LRP6: variants seen among roughly 807,000 people sequenced by gnomAD.
LRP6 encodes LDL receptor related protein 6.
Under a neutral mutation model 184.1 loss-of-function variants are expected in LRP6, and 43 were observed. The observed-to-expected ratio is 0.23, with a 90% CI of 0.18 to 0.30. LRP6 has a LOEUF of 0.30. Among genes scored for constraint, LRP6 ranks in the 10% least tolerant of loss-of-function variants. The pLI, the probability that LRP6 is intolerant of heterozygous loss-of-function variation, is 1.00. For synonymous variants in LRP6, 719 were observed against 684.9 expected, an observed-to-expected ratio of 1.05 and a Z score of -0.78; for missense variants, 1,571 against 2,005.3, an observed-to-expected ratio of 0.78 and a Z score of 4.14.
chr12:12,125,201 C>CT, intron 21 of LRP6, 95 bp downstream of exon 21: 1 of 1,477,296 alleles, frequency 6.8e-7, no homozygotes, highest in Non-Finnish European at 9.4e-7. Flanking sequence ...TCAAAAACTA[C>CT]TTTTACATTA....
chr12:12,164,173 G>T (rs1591903759), intron 9 of LRP6, 100 bp downstream of exon 9: 2 of 1,072,534 alleles, frequency 1.9e-6, no homozygotes, highest in Non-Finnish European at 2.8e-6. Context: ...AACTCTGCCT[G>T]TCAAACAATG....
At chr12:12,193,060 T>C (rs1295421981) in intron 3 of LRP6, among the ~76,000 whole-genome samples, 1 of 152,026 alleles carries the variant, frequency 6.6e-6, no homozygotes. Flanking sequence ...CTGACCATAA[T>C]GAAATTCATG....
At chr12:12,168,439 G>GT (rs1196610982) in intron 7 of LRP6, among the ~76,000 whole-genome samples, 1 of 152,188 alleles carries the variant, frequency 6.6e-6, no homozygotes, top group East Asian at 1.9e-4. Context: ...CACACGACAT[G>GT]TTTGACTTTG....
chr12:12,135,834 G>A lies in LRP6; in HGVS notation c.3608-534C>T, dbSNP rs372381997. Among the ~76,000 whole-genome samples the A allele has an allele frequency of 1.2e-4, 18 of 152,076 alleles. No homozygotes were observed. In the East Asian group the frequency reaches 3.1e-3, roughly 26 times the overall value. On this transcript the variant is annotated intron_variant, in intron 16 of 22. Transcript: ENST00000261349. ...TATATATAAAATATTTTAAGATAAT[G>A]GTAAAGCTCATCTTAATTTTTGTGA...
intron 13 of LRP6, 42 bp downstream of exon 13, chr12:12,150,794 A>C (rs1327498886): frequency 6.2e-7 from 1 of 1,600,738 alleles, no homozygotes; most frequent in Non-Finnish European, 8.6e-7. Flanking sequence ...GAGTCCAGTT[A>C]TTAGTCAGGA....
At chr12:12,254,785 G>A (rs1316760040) in intron 1 of LRP6, among the ~76,000 whole-genome samples, 1 of 152,176 alleles carries the variant, frequency 6.6e-6, no homozygotes, top group Non-Finnish European at 1.5e-5. Flanking sequence ...GGCTTACAGA[G>A]TTCCCAGCCT....
In LRP6 at chr12:12,266,875, C is replaced by T. The variant is rs962615798; in HGVS notation, c.-140G>A. The stretch of plus-strand genomic sequence containing the variant: ...CCCAGCGAGAGAAGAAAGAAAGGGG[C>T]ACGTCAAGGTTCCGCGCGCGCCGCC... On this transcript the variant is annotated 5_prime_UTR_variant, in exon 1 of 23. Transcript: ENST00000261349. 1.4e-5 allele frequency: 11 copies of T among 778,230 alleles called. No homozygotes were observed. Among genetic ancestry groups the T allele is most frequent in the Non-Finnish European group, 2.4e-5 (11 of 452,532 alleles). 48.2% of individuals were successfully genotyped at this position (778,230 alleles called of 1,614,324 possible).
intron 2 of LRP6, among the ~76,000 whole-genome samples, chr12:12,233,512 A>T (rs1864845492): frequency 6.6e-6 from 1 of 152,160 alleles, no homozygotes; most frequent in Non-Finnish European, 1.5e-5. Context: ...AATCTGGGAT[A>T]TTCTATAGGA....
intron 2 of LRP6, among the ~76,000 whole-genome samples, chr12:12,236,289 C>T (rs903722957): frequency 2.0e-5 from 3 of 152,122 alleles, no homozygotes; most frequent in Admixed American, 2.0e-4. Context: ...GACTCAGGAA[C>T]CAACTTGAAA....
intron 7 of LRP6, among the ~76,000 whole-genome samples, chr12:12,174,170 G>A (rs2136972737): frequency 6.6e-6 from 1 of 151,798 alleles, no homozygotes; most frequent in African/African-American, 2.4e-5. Flanking sequence ...GGAGTGCAGT[G>A]GCCTGATCTC....
At chr12:12,178,022 A>C (rs1863240016) in intron 7 of LRP6, among the ~76,000 whole-genome samples, 1 of 152,080 alleles carries the variant, frequency 6.6e-6, no homozygotes, top group East Asian at 1.9e-4. Context: ...ATGTGTCTGT[A>C]TGTATATATA....
chr12:12,181,465 A>C, intron 5 of LRP6, 26 bp from the exon 6 acceptor site: 1 of 981,322 alleles, frequency 1.0e-6, no homozygotes, highest in Non-Finnish European at 1.6e-6. Flanking sequence ...GAAATGAAGA[A>C]TACTTTGAAA....
In LRP6 at chr12:12,126,901, G is replaced by C. The variant is rs369982405; in HGVS notation, c.4102C>G (p.Pro1368Ala). 5.0e-6 allele frequency: 8 copies of C among 1,613,982 alleles called. No homozygotes were observed. Among genetic ancestry groups the C allele is most frequent in the Non-Finnish European group, 6.8e-6 (8 of 1,179,958 alleles). ...GAACCAACTGTATTGGTGGCCTGTGGTGCTGGTTCTTCAGTCGGATCTACA... is the reference window on the plus strand; with the variant it reads ...GAACCAACTGTATTGGTGGCCTGTGCTGCTGGTTCTTCAGTCGGATCTACA... Reference protein sequence around the residue: ...LDCYPTEEPAPQATNTVGSVI... With the variant: ...LDCYPTEEPAAQATNTVGSVI... Residue 1368 changes from proline (P) to alanine (A), a missense_variant, in exon 20 of 23, where the codon CCA becomes GCA. Physicochemically the swap from Pro to Ala is conservative, Grantham distance 27. Around this residue, in one of 4 missense-constraint regions of LRP6, gnomAD observed 763 missense variants for 859.5 expected, o/e 0.89. Coordinates refer to ENST00000261349, the MANE Select transcript of LRP6 (RefSeq NM_002336.3).
At chr12:12,187,697 G>A (rs1407143974) in intron 3 of LRP6, among the ~76,000 whole-genome samples, 2 of 152,082 alleles carry the variant, frequency 1.3e-5, no homozygotes, top group African/African-American at 2.4e-5. Context: ...CACTCTCCCC[G>A]CAAACCCCAG....
chr12:12,187,264 T>TA (rs1177398875), intron 3 of LRP6, 145 bp from the exon 4 acceptor site: 8 of 685,594 alleles, frequency 1.2e-5, no homozygotes, highest in Non-Finnish European at 1.8e-5. Context: ...AATACACCTA[T>TA]AAAAAATAAT....
chr12:12,214,315 C>CTA (rs1214182915), intron 2 of LRP6, among the ~76,000 whole-genome samples: 2 of 152,170 alleles, frequency 1.3e-5, no homozygotes, highest in African/African-American at 4.8e-5. Context: ...TTTACAAGCA[C>CTA]TGGATACAAA....
chr12:12,135,184 A>T lies in LRP6; in HGVS notation c.3724T>A (p.Ser1242Thr). The change falls in exon 17 of 23, where the codon TCA (serine) becomes ACA (threonine). Residue 1242 changes from serine to threonine, a missense_variant. Physicochemically the swap from Ser to Thr is moderately conservative, Grantham distance 58. Transcript: ENST00000261349. Reference protein sequence around the residue: ...MHLVLLQDELSCGEPPTCSPQ... With the variant: ...MHLVLLQDELTCGEPPTCSPQ... Reference sequence around the variant, plus strand: ...ATTACAACATATTTACCTCCACATGATAGCTCATCTTGAAGTAGAACCAGG... The same window carrying T: ...ATTACAACATATTTACCTCCACATGTTAGCTCATCTTGAAGTAGAACCAGG... 6.2e-7 allele frequency: 1 copy of T among 1,613,976 alleles called. No individual in the cohort carries two copies. The highest frequency in any genetic ancestry group is 1.3e-5 in the African/African-American group (1 of 75,046).
At chr12:12,176,207 G>A (rs371438210) in intron 7 of LRP6, among the ~76,000 whole-genome samples, 11 of 152,156 alleles carry the variant, frequency 7.2e-5, no homozygotes, top group South Asian at 4.2e-4. Context: ...AAATCAGGAG[G>A]GGGGGTGGTG....
Position 12,165,100 on chromosome 12 carries a change from T to C in LRP6, c.1741A>G (p.Thr581Ala). The change falls in exon 8 of 23, where the codon ACA (threonine) becomes GCA (alanine). Residue 581 changes from threonine to alanine, a missense_variant. Transcript: ENST00000261349. ...TCACCAATCACTCGATGAACATTTGTAGCCTTTAGGCCCATGAGGTCAGGC... is the reference window on the plus strand; with the variant it reads ...TCACCAATCACTCGATGAACATTTGCAGCCTTTAGGCCCATGAGGTCAGGC... ...QLPDLMGLKA[T>A]NVHRVIGSNP... 6.2e-7 allele frequency: 1 copy of C among 1,613,928 alleles called. No individual in the cohort carries two copies. The highest frequency in any genetic ancestry group is 1.1e-5 in the South Asian group (1 of 91,078).
Sources: gnomAD v4.1 joint callset for allele counts (sites outside exome capture counted in the v4.1 genomes callset) on GRCh38, gnomAD v4.1.1 for gene constraint, gnomAD v4.1.1 regional missense constraint, MANE v1.5 for transcripts, NCBI Gene and HGNC (gene_info 2026-07-23, HGNC 2026-07-21) for gene names.